NR3C2: variants seen among roughly 807,000 people sequenced by gnomAD.
NR3C2 encodes nuclear receptor subfamily 3 group C member 2.
In NR3C2, 15 loss-of-function variants were observed where a neutral mutation model predicts 86.4. That is an observed-to-expected ratio of 0.17 (90% confidence interval 0.12 to 0.27). NR3C2 has a LOEUF of 0.27. NR3C2 is among the 10% of genes least tolerant of loss of function. NR3C2 has a pLI of 1.00. For missense variants in NR3C2, 960 were observed against 1,195.6 expected, an observed-to-expected ratio of 0.80 and a Z score of 2.91; for synonymous variants, 458 against 450.5, an observed-to-expected ratio of 1.02 and a Z score of -0.21.
intron 2 of NR3C2, among the ~76,000 whole-genome samples, chr4:148,413,216 A>G (rs1748799111): frequency 6.6e-6 from 1 of 152,206 alleles, no homozygotes; most frequent in Non-Finnish European, 1.5e-5. Flanking sequence ...TTCTGTTCTT[A>G]GCCTCTTAAA....
At chr4:148,377,548 G>A (rs560363244) in intron 2 of NR3C2, among the ~76,000 whole-genome samples, 3 of 152,276 alleles carry the variant, frequency 2.0e-5, no homozygotes, top group African/African-American at 7.2e-5. Flanking sequence ...ATGAATTTGG[G>A]GGAAGCAGCA....
chr4:148,104,519 TAATA>T (rs1374204644), intron 8 of NR3C2, among the ~76,000 whole-genome samples: 1 of 152,180 alleles, frequency 6.6e-6, no homozygotes, highest in Non-Finnish European at 1.5e-5. Context: ...CTAACAATTA[TAATA>T]AATAGTTTAG....
At chr4:148,334,796 C>A (rs1744399557) in intron 2 of NR3C2, among the ~76,000 whole-genome samples, 1 of 152,186 alleles carries the variant, frequency 6.6e-6, no homozygotes, top group Non-Finnish European at 1.5e-5. Context: ...ATTCTCTCTA[C>A]TTTAGAGGCT....
intron 2 of NR3C2, among the ~76,000 whole-genome samples, chr4:148,308,668 T>C (rs894005004): frequency 2.0e-5 from 3 of 152,110 alleles, no homozygotes; most frequent in Admixed American, 1.3e-4. Flanking sequence ...TAGTGTTCTA[T>C]AGCACTGTGG....
chr4:148,362,862 G>A (rs979057191), intron 2 of NR3C2, among the ~76,000 whole-genome samples: 6 of 152,202 alleles, frequency 3.9e-5, no homozygotes, highest in African/African-American at 1.4e-4. Flanking sequence ...TAGGAAGAGC[G>A]ACTTAGGCCC....
intron 1 of NR3C2, 59 bp from the exon 2 acceptor site, chr4:148,436,921 G>T: frequency 1.5e-6 from 2 of 1,347,140 alleles, no homozygotes; most frequent in Non-Finnish European, 2.0e-6. Flanking sequence ...TACTCTAAAA[G>T]ACATTCTAAA....
At chr4:148,233,818 GAT>G (rs890575191) in intron 3 of NR3C2, among the ~76,000 whole-genome samples, 68 of 152,134 alleles carry the variant, frequency 4.5e-4, no homozygotes, top group African/African-American at 1.6e-3. Context: ...CAACATCAAA[GAT>G]CACTGATCAC....
At position 148,233,366 on chromosome 4, in the gene NR3C2, G is replaced by GTTTT. The variant is rs56388064; in HGVS notation, c.1897+26608_1897+26611dup. 2.6e-3 allele frequency among the ~76,000 whole-genome samples: 367 copies of GTTTT among 142,756 alleles called. 6 individuals carry two copies. The highest frequency in any genetic ancestry group is 3.6e-3 in the Non-Finnish European group (240 of 66,560). The allele number at this position is 142,756 out of a possible 152,430, so 93.7% of individuals were successfully genotyped here. On this transcript the variant is annotated intron_variant, in intron 3 of 8. Transcript: ENST00000358102. ...TTATTAATAGGAATAATTTCTTTAG[G>GTTTT]TTTTTTTTTTTGAAGCAGGGTCTCA... is the stretch of plus-strand genomic sequence containing the variant.
At chr4:148,260,161 A>C in intron 2 of NR3C2, 44 bp from the exon 3 acceptor site, 1 of 1,612,156 alleles carries the variant, frequency 6.2e-7, no homozygotes, top group Non-Finnish European at 8.5e-7. Context: ...CCGTAAAGGC[A>C]CATTTAACAT....
At position 148,330,396 on chromosome 4, in the gene NR3C2, A is replaced by AT. The variant is rs1561046276; in HGVS notation, c.1758-70280dup. ...TGAAATAACCAGCTCTATTTTATCG[A>AT]TTTATAGCCCAGTGATTCACAGAGG... On this transcript the variant is annotated intron_variant, in intron 2 of 8. Transcript: ENST00000358102. Among the ~76,000 whole-genome samples the AT allele has an allele frequency of 2.6e-5, 4 of 152,248 alleles. No individual in the cohort carries two copies. The South Asian group carries it at 6.2e-4, about 24-fold the overall frequency.
At chr4:148,298,736 C>T (rs905746502) in intron 2 of NR3C2, among the ~76,000 whole-genome samples, 4 of 152,202 alleles carry the variant, frequency 2.6e-5, no homozygotes, top group Non-Finnish European at 5.9e-5. Flanking sequence ...ACAAAGCACA[C>T]AAATTCTAGT....
At chr4:148,302,402 A>AGTTAT (rs4026975) in intron 2 of NR3C2, among the ~76,000 whole-genome samples, 3 of 151,462 alleles carry the variant, frequency 2.0e-5, no homozygotes, top group African/African-American at 7.3e-5. Context: ...TAATTGAGTA[A>AGTTAT]ACATCCTGTG....
intron 3 of NR3C2, among the ~76,000 whole-genome samples, chr4:148,203,010 A>G (rs1006221488): frequency 1.3e-5 from 2 of 152,190 alleles, no homozygotes; most frequent in African/African-American, 2.4e-5. Context: ...CCTTATTTTT[A>G]TGCTCCCTAT....
chr4:148,426,310 T>A (rs2126624533), intron 2 of NR3C2, among the ~76,000 whole-genome samples: 1 of 152,324 alleles, frequency 6.6e-6, no homozygotes, highest in South Asian at 2.1e-4. Flanking sequence ...GCTCTTAGGT[T>A]CTATTCCTGG....
At chr4:148,370,787 T>A (rs1746379880) in intron 2 of NR3C2, among the ~76,000 whole-genome samples, 1 of 152,166 alleles carries the variant, frequency 6.6e-6, no homozygotes, top group South Asian at 2.1e-4. Flanking sequence ...AAACGTAACG[T>A]TCCTCTCATT....
intron 1 of NR3C2, among the ~76,000 whole-genome samples, chr4:148,438,686 C>G (rs1750190869): frequency 6.6e-6 from 1 of 152,016 alleles, no homozygotes; most frequent in South Asian, 2.1e-4. Context: ...AATAAATTTG[C>G]ATTAGATAAA....
intron 6 of NR3C2, among the ~76,000 whole-genome samples, chr4:148,152,236 ATAT>A (rs1734135547): frequency 6.6e-6 from 1 of 152,190 alleles, no homozygotes; most frequent in Non-Finnish European, 1.5e-5. Flanking sequence ...TATATCCCAC[ATAT>A]TATTATGTGG....
Position 148,078,859 on chromosome 4 carries a change from C to T in NR3C2, c.*2485G>A, listed in dbSNP as rs529981687. 12 of 152,724 alleles carry T rather than the reference C, an allele frequency of 7.9e-5. No individual in the cohort carries two copies. In the East Asian group the frequency reaches 1.5e-3, roughly 20 times the overall value. 9.5% of individuals were successfully genotyped at this position (152,724 alleles called of 1,614,324 possible). On this transcript the variant is annotated 3_prime_UTR_variant, in exon 9 of 9. Coordinates refer to ENST00000358102, the MANE Select transcript of NR3C2 (RefSeq NM_000901.5). ...AAGATATAAATTGCTTCATTTTAAA[C>T]TAATTTAGTGTTTCTTTAAATTATA... is the stretch of plus-strand genomic sequence containing the variant.
intron 2 of NR3C2, among the ~76,000 whole-genome samples, chr4:148,282,615 G>C (rs1741304900): frequency 6.6e-6 from 1 of 152,172 alleles, no homozygotes; most frequent in Non-Finnish European, 1.5e-5. Flanking sequence ...GAAAGAGCAA[G>C]AAAACAAGGA....
Sources: allele counts gnomAD v4.1 joint callset (sites outside exome capture counted in the v4.1 genomes callset), GRCh38; gene constraint gnomAD v4.1.1; transcripts MANE v1.5; gene names NCBI Gene and HGNC (gene_info 2026-07-23, HGNC 2026-07-21).